CGNL1: variants seen among roughly 807,000 people sequenced by gnomAD.
The protein encoded by CGNL1 is cingulin like 1.
Under a neutral mutation model 141.2 loss-of-function variants are expected in CGNL1, and 132 were observed. That is an observed-to-expected ratio of 0.93 (90% CI 0.81 to 1.08). CGNL1 has a LOEUF of 1.08. CGNL1 is among the 50% of genes least tolerant of loss of function. The pLI, the probability that CGNL1 is intolerant of heterozygous loss-of-function variation, is 0.00. For synonymous variants in CGNL1, 690 were observed against 622.1 expected, an observed-to-expected ratio of 1.11 and a Z score of -1.63; for missense variants, 1,870 against 1,588.6, an observed-to-expected ratio of 1.18 and a Z score of -3.01.
rs112079075 is a variant in CGNL1, at chr15:57,438,963, C to G, written c.964C>G (p.His322Asp). Reference protein sequence around the residue: ...FLLDDQECAIHADNVNRHENR... With the variant: ...FLLDDQECAIDADNVNRHENR... ...ACTGGATGATCAGGAATGTGCCATC[C>G]ATGCCGACAACGTCAATCGTCATGA... Residue 322 changes from histidine (H) to aspartate (D), a missense_variant, in exon 2 of 19, where the codon CAT (histidine) becomes GAT (aspartate). His to Asp is a moderately conservative substitution (Grantham distance 81). Coordinates refer to ENST00000281282, the MANE Select transcript of CGNL1 (RefSeq NM_032866.5). 1,276 of 1,614,214 alleles carry G rather than the reference C, an allele frequency of 7.9e-4. 2 individuals carry two copies. Among genetic ancestry groups the G allele is most frequent in the Non-Finnish European group, 1.0e-3 (1,210 of 1,180,040 alleles).
chr15:57,472,519 G>A (rs2063595487), intron 8 of CGNL1, among the ~76,000 whole-genome samples: 1 of 152,214 alleles, frequency 6.6e-6, no homozygotes, highest in Admixed American at 6.5e-5. Context: ...CCTGCTCTGG[G>A]CTTGACCAGT....
rs1433592156 is a variant in CGNL1 at position 57,408,633 on chromosome 15, A to G, written c.-15-29352A>G. On this transcript the variant is annotated intron_variant, in intron 1 of 18. Transcript: ENST00000281282. ...GCAGTCCTTCCACCTTGGCCTCCTG[A>G]GCAGCTGGGACTACAGGCACACAGA... Among the ~76,000 whole-genome samples, 20 of 152,126 alleles carry G rather than the reference A, an allele frequency of 1.3e-4. No homozygotes were observed. The East Asian group carries it at 3.9e-3, about 29-fold the overall frequency.
chr15:57,443,310 C>T (rs1246404689), intron 4 of CGNL1, among the ~76,000 whole-genome samples: 7 of 152,172 alleles, frequency 4.6e-5, no homozygotes, highest in Non-Finnish European at 1.0e-4. Flanking sequence ...GTCAGACACA[C>T]CTGGTGCCCT....
At chr15:57,545,798 T>C in intron 17 of CGNL1, 98 bp downstream of exon 17, 1 of 980,664 alleles carries the variant, frequency 1.0e-6, no homozygotes, top group South Asian at 1.5e-5. Flanking sequence ...GAGTGGAGTG[T>C]GAGTGGGCTG....
intron 1 of CGNL1, among the ~76,000 whole-genome samples, chr15:57,419,932 C>T (rs2062894596): frequency 6.6e-6 from 1 of 152,190 alleles, no homozygotes; most frequent in Admixed American, 6.5e-5. Context: ...GAGTTGTCTG[C>T]TCTTCCCCAT....
intron 8 of CGNL1, among the ~76,000 whole-genome samples, chr15:57,487,373 A>T (rs1429834123): frequency 2.0e-5 from 3 of 151,532 alleles, no homozygotes; most frequent in Non-Finnish European, 4.4e-5. Flanking sequence ...AGTCAAAAAA[A>T]GGTAAAAGAG....
intron 1 of CGNL1, among the ~76,000 whole-genome samples, chr15:57,435,145 C>T (rs1279586722): frequency 2.6e-5 from 4 of 152,070 alleles, no homozygotes; most frequent in Admixed American, 2.6e-4. Context: ...AGTAATCGAT[C>T]ATTAACGCTA....
intron 8 of CGNL1, among the ~76,000 whole-genome samples, chr15:57,468,668 T>C (rs1381200122): frequency 6.6e-6 from 1 of 151,954 alleles, no homozygotes; most frequent in Non-Finnish European, 1.5e-5. Flanking sequence ...TAGTTGGTAG[T>C]CAGTGAGGGA....
chr15:57,404,886 C>T (rs984781238), intron 1 of CGNL1, among the ~76,000 whole-genome samples: 16 of 152,126 alleles, frequency 1.1e-4, no homozygotes, highest in African/African-American at 3.9e-4. Context: ...CCGTAAGACC[C>T]CTGAAGTTCC....
At chr15:57,385,479 C>T (rs1207588716) in intron 1 of CGNL1, among the ~76,000 whole-genome samples, 2 of 152,224 alleles carry the variant, frequency 1.3e-5, no homozygotes, top group Non-Finnish European at 2.9e-5. Flanking sequence ...CCACTGCACT[C>T]CAGCCTGGGT....
At chr15:57,386,005 A>G (rs934062159) in intron 1 of CGNL1, among the ~76,000 whole-genome samples, 1 of 152,184 alleles carries the variant, frequency 6.6e-6, no homozygotes, top group Non-Finnish European at 1.5e-5. Context: ...AGGGACAAAG[A>G]TCCCTCCTTT....
intron 1 of CGNL1, among the ~76,000 whole-genome samples, chr15:57,388,147 C>G (rs569068449): frequency 6.6e-6 from 1 of 152,260 alleles, no homozygotes; most frequent in East Asian, 1.9e-4. Context: ...TTTAGGAGAG[C>G]AGTGCCAGGC....
At chr15:57,493,900 G>T (rs544673322) in intron 8 of CGNL1, among the ~76,000 whole-genome samples, 1 of 152,322 alleles carries the variant, frequency 6.6e-6, no homozygotes, top group African/African-American at 2.4e-5. Flanking sequence ...ATTGGTCCAG[G>T]TACTGGAGCT....
At chr15:57,492,229 A>G (rs1367954475) in intron 8 of CGNL1, among the ~76,000 whole-genome samples, 1 of 152,232 alleles carries the variant, frequency 6.6e-6, no homozygotes, top group East Asian at 1.9e-4. Flanking sequence ...AATAGGAGGC[A>G]CATCTTAAGG....
chr15:57,383,611 CT>C lies in CGNL1; in HGVS notation c.-16+7048del, dbSNP rs1367801832. Among the ~76,000 whole-genome samples, 2 of 76,012 alleles carry C rather than the reference CT, an allele frequency of 2.6e-5. 1 individual carries two copies. Among genetic ancestry groups the C allele is most frequent in the Non-Finnish European group, 4.9e-5 (2 of 40,506 alleles). 49.9% of individuals were successfully genotyped at this position (76,012 alleles called of 152,430 possible). ...CCACATCTGCCTTTTCTTTTCTTTT[CT>C]TTTCTTTTCTTTTCTTTTCTTTTTT... On this transcript the variant is annotated intron_variant, in intron 1 of 18. Transcript: ENST00000281282.
rs376547752 is a variant in CGNL1 at position 57,403,041 on chromosome 15, A to G, written c.-16+26474A>G. On this transcript the variant is annotated intron_variant, in intron 1 of 18. Transcript: ENST00000281282. ...TGGAGGTGGTGGTTCAAATGATGTC[A>G]GAAAAGGCCACCATTGAATCCTTTG... Among the ~76,000 whole-genome samples the G allele has an allele frequency of 3.9e-5, 6 of 152,252 alleles. No homozygotes were observed. The East Asian group carries it at 9.6e-4, about 24-fold the overall frequency.
chr15:57,506,923 T>C (rs910248408), intron 8 of CGNL1, among the ~76,000 whole-genome samples: 2 of 152,250 alleles, frequency 1.3e-5, no homozygotes, highest in Non-Finnish European at 2.9e-5. Flanking sequence ...CTTTTGTTTT[T>C]ATTAAGATAA....
intron 7 of CGNL1, among the ~76,000 whole-genome samples, chr15:57,458,601 A>C (rs938886454): frequency 6.6e-6 from 1 of 152,212 alleles, no homozygotes; most frequent in Non-Finnish European, 1.5e-5. Flanking sequence ...CAAACAATTG[A>C]GAAACGTGTG....
At chr15:57,536,959 G>C (rs373907311) in intron 14 of CGNL1, among the ~76,000 whole-genome samples, 4 of 152,304 alleles carry the variant, frequency 2.6e-5, no homozygotes, top group East Asian at 1.9e-4. Context: ...TCTTAAAATG[G>C]GTGAGGAGTT....
Sources: gnomAD v4.1 joint callset for allele counts (sites outside exome capture counted in the v4.1 genomes callset) on GRCh38, gnomAD v4.1.1 for gene constraint, MANE v1.5 for transcripts, NCBI Gene and HGNC (gene_info 2026-07-23, HGNC 2026-07-21) for gene names.